TMEFF2: variants seen among roughly 807,000 people sequenced by gnomAD.
TMEFF2 encodes transmembrane protein with EGF like and two follistatin like domains 2.
TMEFF2 carries 28 observed loss-of-function variants against 53.8 expected under a neutral mutation model. That is an observed-to-expected ratio of 0.52 (90% CI 0.39 to 0.71). TMEFF2 has a LOEUF of 0.71. Among genes scored for constraint, TMEFF2 ranks in the 30% least tolerant of loss-of-function variants. The probability of loss-of-function intolerance (pLI) is 0.00; values close to 1 mark genes in which losing one functional copy is unlikely to be tolerated. For synonymous variants in TMEFF2, 162 were observed against 166.3 expected, an observed-to-expected ratio of 0.97 and a Z score of 0.20; for missense variants, 353 against 455.2, an observed-to-expected ratio of 0.78 and a Z score of 2.04.
At chr2:192,189,060 C>T (rs1002841836) in intron 2 of TMEFF2, among the ~76,000 whole-genome samples, 2 of 152,032 alleles carry the variant, frequency 1.3e-5, no homozygotes, top group African/African-American at 4.8e-5. Flanking sequence ...ACAATTATCT[C>T]ACCGGGTTGT....
Position 192,158,735 on chromosome 2 carries a change from C to T in TMEFF2, c.439+20933G>A, listed in dbSNP as rs574331321. Among the ~76,000 whole-genome samples, 7 of 152,214 alleles carry T rather than the reference C, an allele frequency of 4.6e-5. No individual in the cohort carries two copies. In the South Asian group the frequency reaches 1.5e-3, roughly 32 times the overall value. On this transcript the variant is annotated intron_variant, in intron 4 of 9. Coordinates refer to ENST00000272771, the MANE Select transcript of TMEFF2 (RefSeq NM_016192.4). ...TCTCCTAAAGCTAGAAAAACAACCA[C>T]AGCAACTCACAGAATGATCCACTGA...
At chr2:191,969,673 T>C (rs1692578611) in intron 7 of TMEFF2, among the ~76,000 whole-genome samples, 1 of 152,180 alleles carries the variant, frequency 6.6e-6, no homozygotes, top group Non-Finnish European at 1.5e-5. Flanking sequence ...AGAGAATTTA[T>C]TGTGTAGATC....
intron 7 of TMEFF2, among the ~76,000 whole-genome samples, chr2:191,961,989 T>C (rs1253950139): frequency 1.3e-5 from 2 of 152,172 alleles, no homozygotes; most frequent in Non-Finnish European, 2.9e-5. Context: ...AGTGACAGCC[T>C]AGCATGAGGG....
At chr2:192,154,845 T>C (rs1443676919) in intron 4 of TMEFF2, among the ~76,000 whole-genome samples, 2 of 151,898 alleles carry the variant, frequency 1.3e-5, no homozygotes, top group African/African-American at 4.8e-5. Flanking sequence ...CTGCTTCTCA[T>C]CCCTGGTCTT....
intron 4 of TMEFF2, among the ~76,000 whole-genome samples, chr2:192,111,849 G>T (rs1689285116): frequency 6.6e-6 from 1 of 152,210 alleles, no homozygotes; most frequent in Non-Finnish European, 1.5e-5. Context: ...GCTAAAAGGG[G>T]CCAAGGTACA....
chr2:192,010,026 A>G (rs1686588039), intron 5 of TMEFF2, among the ~76,000 whole-genome samples: 1 of 152,234 alleles, frequency 6.6e-6, no homozygotes, highest in Admixed American at 6.5e-5. Flanking sequence ...TGAAAAAGAA[A>G]TATGTGCATG....
intron 4 of TMEFF2, among the ~76,000 whole-genome samples, chr2:192,141,224 A>T (rs1231307748): frequency 1.3e-5 from 2 of 152,094 alleles, no homozygotes; most frequent in East Asian, 3.9e-4. Flanking sequence ...AGGCTGAGGC[A>T]GGTGGATCAG....
chr2:192,076,518 G>T (rs574612370), intron 4 of TMEFF2, among the ~76,000 whole-genome samples: 1 of 152,098 alleles, frequency 6.6e-6, no homozygotes, highest in African/African-American at 2.4e-5. Flanking sequence ...TACTAAACAC[G>T]TAAGTGGCAG....
intron 5 of TMEFF2, among the ~76,000 whole-genome samples, chr2:192,002,807 G>A (rs1194347243): frequency 6.6e-6 from 1 of 152,114 alleles, no homozygotes; most frequent in Non-Finnish European, 1.5e-5. Flanking sequence ...TCCAGCCTGG[G>A]CAACAGAGTG....
chr2:192,146,049 G>T (rs1420919834), intron 4 of TMEFF2, among the ~76,000 whole-genome samples: 1 of 151,852 alleles, frequency 6.6e-6, no homozygotes, highest in African/African-American at 2.4e-5. Flanking sequence ...CACAAGACAG[G>T]CAGGAGAATC....
chr2:192,189,040 G>T (rs548129291), intron 2 of TMEFF2, among the ~76,000 whole-genome samples: 1 of 152,042 alleles, frequency 6.6e-6, no homozygotes, highest in South Asian at 2.1e-4. Context: ...TTTAAAAAAG[G>T]GGGGAGAAAA....
At position 191,953,712 on chromosome 2, in the gene TMEFF2, G is replaced by A. The variant is rs1204874541; in HGVS notation, c.995C>T (p.Ala332Val). The stretch of plus-strand genomic sequence containing the variant: ...GCAGAGGACCACCACACAGATGACA[G>A]CAATCTGAATTGTTCCAATCACAGC... ...IAAVIGTIQI[A>V]VICVVVLCIT... is the part of the protein sequence containing the mutation. Residue 332 changes from alanine (A) to valine (V), a missense_variant, in exon 9 of 10, where the codon GCT becomes GTT. Coordinates refer to ENST00000272771, the MANE Select transcript of TMEFF2 (RefSeq NM_016192.4). The A allele has an allele frequency of 1.2e-6, 2 of 1,613,862 alleles. No individual in the cohort carries two copies. Among genetic ancestry groups the A allele is most frequent in the Non-Finnish European group, 1.7e-6 (2 of 1,179,948 alleles).
At chr2:192,193,794 A>AGAGAGAGG (rs1691529717) in intron 1 of TMEFF2, among the ~76,000 whole-genome samples, 1 of 129,764 alleles carries the variant, frequency 7.7e-6, no homozygotes, top group Non-Finnish European at 1.7e-5. Context: ...AGAGAGAGAG[A>AGAGAGAGG]GAGAGAGAGA....
intron 4 of TMEFF2, among the ~76,000 whole-genome samples, chr2:192,102,076 C>T (rs1689043065): frequency 1.3e-5 from 2 of 151,952 alleles, no homozygotes. Context: ...GACTAAGCTA[C>T]AAAATTAGAA....
chr2:192,025,222 G>A (rs189316625), intron 5 of TMEFF2, among the ~76,000 whole-genome samples: 25 of 152,178 alleles, frequency 1.6e-4, no homozygotes, highest in African/African-American at 5.8e-4. Context: ...GACTGTTAAT[G>A]GTGTGTTCAA....
intron 7 of TMEFF2, among the ~76,000 whole-genome samples, chr2:191,969,112 T>A (rs1692550687): frequency 7.0e-6 from 1 of 143,324 alleles, no homozygotes; most frequent in African/African-American, 2.6e-5. Flanking sequence ...TATATATGTA[T>A]GTATGTTTGT....
chr2:191,999,084 C>T lies in TMEFF2; in HGVS notation c.661G>A (p.Val221Ile). The T allele has an allele frequency of 6.2e-7, 1 of 1,610,030 alleles. No homozygotes were observed. The highest frequency in any genetic ancestry group is 8.5e-7 in the Non-Finnish European group (1 of 1,177,190). ...ASCQKQEKIEVMSLGRCQDNT... is the reference protein window; with the variant it reads ...ASCQKQEKIEIMSLGRCQDNT... ...CCTTGACATCGACCCAAAGACATGA[C>T]TTCAATTTTCTCCTGTTTCTGACAC... The change falls in exon 6 of 10, where the codon GTC (valine) becomes ATC (isoleucine). Residue 221 changes from valine to isoleucine, a missense_variant. Around this residue, in one of 3 missense-constraint regions of TMEFF2, gnomAD observed 294 missense variants for 397.3 expected, o/e 0.74. Transcript: ENST00000272771.
chr2:192,185,835 T>C (rs963266099), intron 2 of TMEFF2, among the ~76,000 whole-genome samples: 2 of 152,064 alleles, frequency 1.3e-5, no homozygotes, highest in African/African-American at 4.8e-5. Context: ...CAATGTTCTT[T>C]GAAATGAAAG....
At chr2:192,132,846 C>T (rs896821533) in intron 4 of TMEFF2, among the ~76,000 whole-genome samples, 1 of 152,178 alleles carries the variant, frequency 6.6e-6, no homozygotes. Flanking sequence ...AATTCTGGCC[C>T]AAGGCTCTTT....
Sources: allele counts gnomAD v4.1 joint callset (sites outside exome capture counted in the v4.1 genomes callset), GRCh38; gene constraint gnomAD v4.1.1; regional missense constraint gnomAD v4.1.1; transcripts MANE v1.5; gene names NCBI Gene and HGNC (gene_info 2026-07-23, HGNC 2026-07-21).